Variants in BCAS3 observed in about 807,000 individuals in gnomAD.
BCAS3 encodes the protein BCAS4/BCAS3 fusion.
A neutral mutation model predicts 116.1 loss-of-function variants in BCAS3; 53 were observed. The observed-to-expected ratio is 0.46, with a 90% CI of 0.37 to 0.57. The LOEUF (loss-of-function observed/expected upper bound fraction) is 0.57. Ranked by LOEUF, BCAS3 falls within the 20% of genes least tolerant of loss-of-function variation. BCAS3 has a pLI of 0.00. For missense variants in BCAS3, 917 were observed against 1,165.4 expected (o/e 0.79, Z 3.10); for synonymous variants, 391 against 408.2 (o/e 0.96, Z 0.51).
intron 15 of BCAS3, among the ~76,000 whole-genome samples, chr17:61,001,303 G>C (rs2064221707): frequency 6.6e-6 from 1 of 151,664 alleles, no homozygotes; most frequent in African/African-American, 2.4e-5. Flanking sequence ...ATCTGTATGA[G>C]GCATTCCTTT....
At chr17:60,918,939 C>G (rs1010621592) in intron 12 of BCAS3, among the ~76,000 whole-genome samples, 4 of 151,984 alleles carry the variant, frequency 2.6e-5, no homozygotes, top group Non-Finnish European at 5.9e-5. Context: ...GTGATCCACC[C>G]GCCTCAGCCT....
chr17:61,049,233 C>T (rs1228908509), intron 19 of BCAS3, among the ~76,000 whole-genome samples: 3 of 151,770 alleles, frequency 2.0e-5, no homozygotes, highest in Non-Finnish European at 4.4e-5. Flanking sequence ...GCCAGGAAGT[C>T]AAGGCTGCAG....
At chr17:61,094,759 G>A (rs993386047) in intron 22 of BCAS3, among the ~76,000 whole-genome samples, 2 of 152,140 alleles carry the variant, frequency 1.3e-5, no homozygotes, top group Admixed American at 6.5e-5. Context: ...CAGGAGAATC[G>A]CTTGAACCCG....
Position 61,063,379 on chromosome 17 carries a change from C to A in BCAS3, c.2030-11541C>A. Among the ~76,000 whole-genome samples the A allele has an allele frequency of 6.6e-6, 1 of 152,040 alleles. No homozygotes were observed. Among genetic ancestry groups the A allele is most frequent in the East Asian group, 1.9e-4 (1 of 5,172 alleles). ...TTGCCTCCTGGGTTCAAGCGATTCT[C>A]ACGCCTCAGCCTCCCGAGTAGCTGG... On this transcript the variant is annotated intron_variant, in intron 19 of 23. Transcript: ENST00000407086. The surrounding 1 kb of genome is among the most constrained non-coding windows in gnomAD (Gnocchi z 5.3).
chr17:61,308,626 G>T (rs950551004), intron 22 of BCAS3, among the ~76,000 whole-genome samples: 3 of 152,006 alleles, frequency 2.0e-5, no homozygotes, highest in African/African-American at 7.3e-5. Context: ...AGAGGCAGGG[G>T]GGTGGGGGTA....
At chr17:60,871,559 C>A (rs921844718) in intron 8 of BCAS3, among the ~76,000 whole-genome samples, 3 of 150,254 alleles carry the variant, frequency 2.0e-5, no homozygotes, top group Non-Finnish European at 3.0e-5. Context: ...TTATCAAGTT[C>A]AGCAGTTTAT....
chr17:60,779,403 CT>C (rs2045595771), intron 6 of BCAS3, among the ~76,000 whole-genome samples: 1 of 150,504 alleles, frequency 6.6e-6, no homozygotes, highest in Non-Finnish European at 1.5e-5. Context: ...GAGCTTTGCC[CT>C]TATTGCCCAG....
chr17:60,881,904 T>A (rs1341306302), intron 9 of BCAS3, among the ~76,000 whole-genome samples: 5 of 148,774 alleles, frequency 3.4e-5, no homozygotes, highest in Admixed American at 2.0e-4. Flanking sequence ...TAAACATACG[T>A]GTGCATGTGT....
chr17:60,780,569 C>T (rs924927399), intron 6 of BCAS3, among the ~76,000 whole-genome samples: 1 of 152,102 alleles, frequency 6.6e-6, no homozygotes, highest in Non-Finnish European at 1.5e-5. Flanking sequence ...CCCCAAAGTG[C>T]TGGGATTACA....
chr17:61,380,395 CA>C lies in BCAS3; in HGVS notation c.2594-11581del. On this transcript the variant is annotated intron_variant, in intron 23 of 23. Transcript: ENST00000407086. The surrounding 1 kb of genome is among the most constrained non-coding windows in gnomAD (Gnocchi z 4.2). ...ACCATGAACACCCCCGCAAAGCTCTCAGTGGTCAAACCAGATTTGGGTATCG... is the reference window on the plus strand; with the variant it reads ...ACCATGAACACCCCCGCAAAGCTCTCGTGGTCAAACCAGATTTGGGTATCG... 1 of 974,848 alleles carries C rather than the reference CA, an allele frequency of 1.0e-6. No homozygotes were observed. The highest frequency in any genetic ancestry group is 1.4e-5 in the South Asian group (1 of 71,402). The allele number at this position is 974,848 out of a possible 1,614,324, so 60.4% of individuals were successfully genotyped here.
In BCAS3 at chr17:61,348,066, C is replaced by T. The variant is rs988366946; in HGVS notation, c.2426-20261C>T. Among the ~76,000 whole-genome samples the T allele has an allele frequency of 1.2e-4, 18 of 152,248 alleles. No homozygotes were observed. The highest frequency in any genetic ancestry group is 2.1e-4 in the South Asian group (1 of 4,826). The stretch of plus-strand genomic sequence containing the variant: ...ATTGAAGGGAAGCCACATTAATAGG[C>T]GGAAAGACCAGTTTAAAGATTGCTA... On this transcript the variant is annotated intron_variant, in intron 22 of 23. Transcript: ENST00000407086. The surrounding 1 kb of genome is among the most constrained non-coding windows in gnomAD (Gnocchi z 4.5).
At chr17:61,027,648 G>A (rs1306939524) in intron 16 of BCAS3, among the ~76,000 whole-genome samples, 1 of 151,902 alleles carries the variant, frequency 6.6e-6, no homozygotes. Flanking sequence ...ATGGTTAAGA[G>A]TCAGACTGCC....
intron 6 of BCAS3, among the ~76,000 whole-genome samples, chr17:60,748,636 C>G (rs769743666): frequency 9.9e-5 from 15 of 152,124 alleles, no homozygotes; most frequent in Non-Finnish European, 2.1e-4. Flanking sequence ...GCAGATTTTT[C>G]CCTCTTCATG....
rs1311495071 is a variant in BCAS3, at chr17:61,088,187, G to A, written c.2425+3623G>A. Among the ~76,000 whole-genome samples, 1 of 151,962 alleles carries A rather than the reference G, an allele frequency of 6.6e-6. No individual in the cohort carries two copies. Among genetic ancestry groups the A allele is most frequent in the Non-Finnish European group, 1.5e-5 (1 of 67,954 alleles). On this transcript the variant is annotated intron_variant, in intron 22 of 23. Coordinates refer to ENST00000407086, the MANE Select transcript of BCAS3 (RefSeq NM_017679.5). This position sits in a 1 kb window ranked among gnomAD's most constrained non-coding sequence, Gnocchi z 4.2. ...ACCGAGCAAGGCTCTGTCTCAAAAAGACAAAACAAAACGAAACAAAACAAA... is the reference window on the plus strand; with the variant it reads ...ACCGAGCAAGGCTCTGTCTCAAAAAAACAAAACAAAACGAAACAAAACAAA...
Position 61,265,501 on chromosome 17 carries a change from G to A in BCAS3, c.2426-102826G>A, listed in dbSNP as rs1364356557. On this transcript the variant is annotated intron_variant, in intron 22 of 23. Transcript: ENST00000407086. The surrounding 1 kb of genome is among the most constrained non-coding windows in gnomAD (Gnocchi z 4.3). ...CTCTTATACAAGGAAGAAAAAAGAC[G>A]AATCAACATCTCCCTTGGAAAATAC... Among the ~76,000 whole-genome samples the A allele has an allele frequency of 2.6e-5, 4 of 151,780 alleles. No individual in the cohort carries two copies. The highest frequency in any genetic ancestry group is 4.4e-5 in the Non-Finnish European group (3 of 67,976).
intron 8 of BCAS3, among the ~76,000 whole-genome samples, chr17:60,871,443 C>A (rs754969815): frequency 1.3e-5 from 2 of 152,148 alleles, no homozygotes; most frequent in Non-Finnish European, 2.9e-5. Flanking sequence ...GAGGCATGAG[C>A]CACTGTGCCC....
chr17:60,710,592 T>C (rs375216321), intron 5 of BCAS3, among the ~76,000 whole-genome samples: 21 of 151,596 alleles, frequency 1.4e-4, no homozygotes, highest in Middle Eastern at 3.5e-3. Flanking sequence ...CCACCACGCC[T>C]GGCTAATTTT....
chr17:61,364,244 C>G lies in BCAS3; in HGVS notation c.2426-4083C>G, dbSNP rs570247606. On this transcript the variant is annotated intron_variant, in intron 22 of 23. Transcript: ENST00000407086. The surrounding 1 kb of genome is among the most constrained non-coding windows in gnomAD (Gnocchi z 5.4). Reference sequence around the variant, plus strand: ...GTGCGCATGCGAAGAGAGAACAGACCCACTATCAAATTGTGTTTCTCCTGT... The same window carrying G: ...GTGCGCATGCGAAGAGAGAACAGACGCACTATCAAATTGTGTTTCTCCTGT... 5.5e-4 allele frequency among the ~76,000 whole-genome samples: 84 copies of G among 152,278 alleles called. No homozygotes were observed. Among genetic ancestry groups the G allele is most frequent in the African/African-American group, 2.0e-3 (84 of 41,566 alleles).
rs534090957 is a variant in BCAS3, at chr17:60,953,294, A to G, written c.1221+5942A>G. Among the ~76,000 whole-genome samples, 15 of 152,250 alleles carry G rather than the reference A, an allele frequency of 9.9e-5. No homozygotes were observed. In the South Asian group the frequency reaches 2.9e-3, roughly 29 times the overall value. On this transcript the variant is annotated intron_variant, in intron 14 of 23. Transcript: ENST00000407086. ...GCATCTGTTATTTTTTGACTTTTTA[A>G]TAATAGCCATTCTGGCTGGTGTGAG...
Sources: gnomAD v4.1 joint callset for allele counts (sites outside exome capture counted in the v4.1 genomes callset) on GRCh38, gnomAD v4.1.1 for gene constraint, Gnocchi (gnomAD v3.1) non-coding constraint, MANE v1.5 for transcripts, NCBI Gene and HGNC (gene_info 2026-07-23, HGNC 2026-07-21) for gene names.